ZSCAN5A: variants seen among roughly 807,000 people sequenced by gnomAD.
ZSCAN5A encodes the protein zinc finger and SCAN domain-containing protein 5A.
Under a neutral mutation model 23.7 loss-of-function variants are expected in ZSCAN5A, and 12 were observed. That is an observed-to-expected ratio of 0.51 (90% CI 0.32 to 0.82). ZSCAN5A has a LOEUF of 0.82. Ranked by LOEUF, ZSCAN5A falls within the 40% of genes least tolerant of loss-of-function variation. The pLI is 0.03. For missense variants in ZSCAN5A, 597 were observed against 617.9 expected, an observed-to-expected ratio of 0.97 and a Z score of 0.36; for synonymous variants, 257 against 239.9, an observed-to-expected ratio of 1.07 and a Z score of -0.66.
chr19:56,307,253 C>T (rs1427137078), intron 2 of ZSCAN5A, among the ~76,000 whole-genome samples: 1 of 152,198 alleles, frequency 6.6e-6, no homozygotes. Context: ...CCCTGGCATC[C>T]CCAGTGCCCT....
intron 2 of ZSCAN5A, chr19:56,348,266 C>T (rs779100559): frequency 2.0e-5 from 3 of 152,216 alleles, no homozygotes; most frequent in Non-Finnish European, 2.9e-5. Context: ...ATCCAGATCT[C>T]CCCTCTCCCC....
chr19:56,337,591 T>C (rs1199270759), intron 2 of ZSCAN5A, among the ~76,000 whole-genome samples: 5 of 152,188 alleles, frequency 3.3e-5, no homozygotes, highest in Non-Finnish European at 4.4e-5. Context: ...CCGCACCCAC[T>C]GTCCTGCACC....
At chr19:56,228,769 GAGAC>G (rs1443582020) in intron 2 of ZSCAN5A, among the ~76,000 whole-genome samples, 3 of 151,942 alleles carry the variant, frequency 2.0e-5, no homozygotes, top group Non-Finnish European at 2.9e-5. Context: ...CTGAAAAAAA[GAGAC>G]AGTCTTTGTT....
At chr19:56,245,936 GC>G (rs1221355491) in intron 2 of ZSCAN5A, among the ~76,000 whole-genome samples, 3 of 152,076 alleles carry the variant, frequency 2.0e-5, no homozygotes, top group Non-Finnish European at 4.4e-5. Flanking sequence ...GCACAGGAGC[GC>G]CCCCTCCAGG....
chr19:56,324,169 C>T (rs1048087487), intron 2 of ZSCAN5A, among the ~76,000 whole-genome samples: 2 of 152,184 alleles, frequency 1.3e-5, no homozygotes, highest in African/African-American at 4.8e-5. Context: ...AATCAACTCT[C>T]TAATTCCATG....
chr19:56,249,051 GC>G (rs914012452), intron 2 of ZSCAN5A, among the ~76,000 whole-genome samples: 1 of 151,626 alleles, frequency 6.6e-6, no homozygotes, highest in Non-Finnish European at 1.5e-5. Context: ...TTATCTCCCC[GC>G]CCCAGATGGT....
chr19:56,324,641 CAAAAAAAAA>C (rs35806754), intron 2 of ZSCAN5A, among the ~76,000 whole-genome samples: 1 of 81,816 alleles, frequency 1.2e-5, no homozygotes, highest in South Asian at 4.1e-4. Context: ...TGTACATGTT[CAAAAAAAAA>C]AAAAAAAAAG....
chr19:56,238,198 CA>C (rs1429176145), intron 2 of ZSCAN5A, among the ~76,000 whole-genome samples: 4 of 151,882 alleles, frequency 2.6e-5, no homozygotes, highest in East Asian at 1.9e-4. Context: ...AAAAGCAAGC[CA>C]GGGGTTGTGG....
chr19:56,281,658 G>A, intron 2 of ZSCAN5A: 1 of 983,958 alleles, frequency 1.0e-6, no homozygotes, highest in Non-Finnish European at 1.2e-6. Flanking sequence ...TTTCCATGTT[G>A]ATTCACTGGC....
Position 56,324,756 on chromosome 19 carries a change from T to C in ZSCAN5A, c.-357-8488A>G, listed in dbSNP as rs2041417289. On this transcript the variant is annotated intron_variant, in intron 2 of 6. Coordinates refer to the ZSCAN5A transcript ENST00000587340. ...GAAAAGTTAAATATTAAGTTTGAAT[T>C]CAATTGAACATGGCCACAAACAATG... Among the ~76,000 whole-genome samples, 3 of 152,190 alleles carry C rather than the reference T, an allele frequency of 2.0e-5. No homozygotes were observed. The South Asian group carries it at 6.2e-4, about 32-fold the overall frequency.
chr19:56,365,851 A>C (rs976928197), intron 1 of ZSCAN5A: 3 of 152,182 alleles, frequency 2.0e-5, no homozygotes, highest in Admixed American at 1.3e-4. Flanking sequence ...CTCCAAGAAG[A>C]CCTTGCCATA....
At chr19:56,312,931 T>C (rs1177913978) in intron 2 of ZSCAN5A, among the ~76,000 whole-genome samples, 1 of 152,238 alleles carries the variant, frequency 6.6e-6, no homozygotes, top group East Asian at 1.9e-4. Context: ...GTTCAGGCAT[T>C]GTCAGCACAC....
intron 2 of ZSCAN5A, among the ~76,000 whole-genome samples, chr19:56,270,319 G>C (rs932476488): frequency 6.6e-6 from 1 of 152,162 alleles, no homozygotes; most frequent in Admixed American, 6.5e-5. Flanking sequence ...TCAGGAGGCT[G>C]AGGCAGGAGA....
chr19:56,320,833 T>C, intron 2 of ZSCAN5A: 2 of 779,598 alleles, frequency 2.6e-6, no homozygotes, highest in South Asian at 2.7e-5. Flanking sequence ...CAAGATGCTG[T>C]GCCCCCTCGC....
At chr19:56,290,717 G>C (rs2039452425) in intron 2 of ZSCAN5A, among the ~76,000 whole-genome samples, 1 of 152,140 alleles carries the variant, frequency 6.6e-6, no homozygotes, top group Non-Finnish European at 1.5e-5. Flanking sequence ...TACATAAACA[G>C]TTTAAAATAG....
intron 2 of ZSCAN5A, chr19:56,245,191 G>C (rs1364870905): frequency 3.7e-6 from 2 of 536,354 alleles, no homozygotes; most frequent in South Asian, 3.8e-5. Context: ...GGTTCTCATA[G>C]TGAGTCTGAT....
At chr19:56,247,761 G>C (rs1052939146) in intron 2 of ZSCAN5A, among the ~76,000 whole-genome samples, 1 of 151,608 alleles carries the variant, frequency 6.6e-6, no homozygotes, top group Non-Finnish European at 1.5e-5. Context: ...GTGCGATCTC[G>C]GCTCACTGCC....
chr19:56,233,623 T>C (rs906623065), intron 2 of ZSCAN5A, among the ~76,000 whole-genome samples: 16 of 151,968 alleles, frequency 1.1e-4, no homozygotes, highest in Non-Finnish European at 2.1e-4. Flanking sequence ...TTTTTTTTTT[T>C]TTTTGGAGAT....
intron 2 of ZSCAN5A, among the ~76,000 whole-genome samples, chr19:56,237,736 A>G (rs1376307642): frequency 1.3e-5 from 2 of 151,892 alleles, no homozygotes; most frequent in African/African-American, 2.4e-5. Context: ...CCTGGGCAAC[A>G]TGGCGAAACC....
Sources: gnomAD v4.1 joint callset for allele counts (sites outside exome capture counted in the v4.1 genomes callset) on GRCh38, gnomAD v4.1.1 for gene constraint, MANE v1.5 for transcripts, NCBI Gene and HGNC (gene_info 2026-07-23, HGNC 2026-07-21) for gene names.